The following FAT3 variants were observed in gnomAD, a reference collection of about 807,000 sequenced individuals.
The protein encoded by FAT3 is protocadherin Fat 3.
In FAT3, 95 loss-of-function variants were observed where a neutral mutation model predicts 310.2. The ratio of observed to expected loss-of-function variants is 0.31; its 90% CI spans 0.26 to 0.36. FAT3 has a LOEUF of 0.36. Ranked by LOEUF, FAT3 falls within the 10% of genes least tolerant of loss-of-function variation. The pLI is 1.00. For missense variants in FAT3, 5,408 were observed against 5,715.6 expected, an observed-to-expected ratio of 0.95 and a Z score of 1.74; for synonymous variants, 2,314 against 2,192.9, an observed-to-expected ratio of 1.06 and a Z score of -1.54.
chr11:92,302,776 T>C (rs529059804), intron 1 of FAT3, among the ~76,000 whole-genome samples: 206 of 152,284 alleles, frequency 1.4e-3, no homozygotes, highest in Non-Finnish European at 2.4e-3. Flanking sequence ...TGTTGATTAA[T>C]TTTCTGGTAG....
At chr11:92,368,913 C>T (rs897926907) in intron 2 of FAT3, among the ~76,000 whole-genome samples, 1 of 127,420 alleles carries the variant, frequency 7.8e-6, no homozygotes, top group Admixed American at 7.4e-5. Context: ...TATATATATA[C>T]ACATATATAT....
intron 1 of FAT3, among the ~76,000 whole-genome samples, chr11:92,328,640 C>G (rs1947826038): frequency 6.6e-6 from 1 of 152,210 alleles, no homozygotes; most frequent in African/African-American, 2.4e-5. Flanking sequence ...TTCCCAAGTG[C>G]CACCTTACGA....
At chr11:92,575,849 A>AT (rs1427152449) in intron 3 of FAT3, among the ~76,000 whole-genome samples, 1 of 152,008 alleles carries the variant, frequency 6.6e-6, no homozygotes, top group African/African-American at 2.4e-5. Flanking sequence ...ACTGTTTTCT[A>AT]TTTTTTGAGA....
At chr11:92,515,484 G>A (rs1268650900) in intron 2 of FAT3, among the ~76,000 whole-genome samples, 1 of 152,066 alleles carries the variant, frequency 6.6e-6, no homozygotes, top group Non-Finnish European at 1.5e-5. Context: ...CTCTATCAGA[G>A]GGGAAAAATG....
At chr11:92,492,242 TCC>T (rs1952622921) in intron 2 of FAT3, among the ~76,000 whole-genome samples, 1 of 68,048 alleles carries the variant, frequency 1.5e-5, no homozygotes, top group African/African-American at 1.3e-4. Flanking sequence ...TATATATATT[TCC>T]ATCCATCCAT....
chr11:92,840,364 T>C (rs1322166274), intron 17 of FAT3, among the ~76,000 whole-genome samples, 198 bp from the exon 18 acceptor site: 1 of 152,202 alleles, frequency 6.6e-6, no homozygotes, highest in East Asian at 1.9e-4. Flanking sequence ...ATAAGGAACA[T>C]GACACTTACA....
intron 2 of FAT3, among the ~76,000 whole-genome samples, chr11:92,366,333 C>T (rs1451521234): frequency 6.6e-6 from 1 of 152,122 alleles, no homozygotes; most frequent in African/African-American, 2.4e-5. Context: ...CTACAGGAGA[C>T]AAAATGGCTA....
intron 2 of FAT3, among the ~76,000 whole-genome samples, chr11:92,485,758 T>A (rs949448564): frequency 2.0e-5 from 3 of 152,184 alleles, no homozygotes; most frequent in African/African-American, 7.2e-5. Context: ...ATGGAAACAG[T>A]GCTCAATTGC....
chr11:92,730,003 A>G (rs1448598323), intron 4 of FAT3, among the ~76,000 whole-genome samples: 3 of 152,094 alleles, frequency 2.0e-5, no homozygotes, highest in Non-Finnish European at 4.4e-5. Context: ...TCCTGTTTTC[A>G]TAATTTTGCT....
intron 4 of FAT3, among the ~76,000 whole-genome samples, chr11:92,731,241 G>A (rs1200124721): frequency 6.6e-6 from 1 of 152,128 alleles, no homozygotes; most frequent in Non-Finnish European, 1.5e-5. Context: ...TAGATCATTT[G>A]TTCATTATTG....
intron 2 of FAT3, among the ~76,000 whole-genome samples, chr11:92,521,086 T>C (rs1953665744): frequency 1.3e-5 from 2 of 152,088 alleles, no homozygotes; most frequent in Admixed American, 6.6e-5. Context: ...TTTAGTGACT[T>C]CCAGGAATCG....
intron 4 of FAT3, among the ~76,000 whole-genome samples, chr11:92,744,347 C>T (rs1945592347): frequency 6.6e-6 from 1 of 152,138 alleles, no homozygotes; most frequent in Admixed American, 6.5e-5. Context: ...TTAAAGTGTA[C>T]ATACTGTCAT....
intron 2 of FAT3, among the ~76,000 whole-genome samples, chr11:92,443,711 G>A (rs1464155037): frequency 6.6e-6 from 1 of 152,118 alleles, no homozygotes. Context: ...ATTTCTCAGC[G>A]AGTACCTCAC....
chr11:92,422,596 G>A (rs1272967501), intron 2 of FAT3, among the ~76,000 whole-genome samples: 1 of 152,116 alleles, frequency 6.6e-6, no homozygotes, highest in Non-Finnish European at 1.5e-5. Flanking sequence ...TTTCAAAGGA[G>A]GTGAGTGCTT....
intron 2 of FAT3, among the ~76,000 whole-genome samples, chr11:92,423,596 G>A (rs1950573248): frequency 6.6e-6 from 1 of 152,112 alleles, no homozygotes. Context: ...TGGTCACTTT[G>A]CCTGTTTTAG....
intron 3 of FAT3, among the ~76,000 whole-genome samples, chr11:92,588,098 T>G (rs1317150879): frequency 1.3e-5 from 2 of 151,982 alleles, no homozygotes; most frequent in Admixed American, 6.6e-5. Context: ...GTTGACTGTA[T>G]AGGTCTAAGG....
intron 7 of FAT3, among the ~76,000 whole-genome samples, chr11:92,776,139 A>G (rs1946592079): frequency 6.6e-6 from 1 of 152,246 alleles, no homozygotes; most frequent in African/African-American, 2.4e-5. Flanking sequence ...CAAATAAAGC[A>G]TGAAACCGTA....
chr11:92,588,614 C>T lies in FAT3; in HGVS notation c.3607+63666C>T, dbSNP rs1457016555. Among the ~76,000 whole-genome samples the T allele has an allele frequency of 2.0e-5, 3 of 151,970 alleles. No homozygotes were observed. The East Asian group carries it at 5.8e-4, about 29-fold the overall frequency. Reference sequence around the variant, plus strand: ...CAGAGGAAAATGGGTATTTATTCTGCCTTAGATGAAAAGAGTAAGAGACTT... The same window carrying T: ...CAGAGGAAAATGGGTATTTATTCTGTCTTAGATGAAAAGAGTAAGAGACTT... On this transcript the variant is annotated intron_variant, in intron 3 of 27. Coordinates refer to ENST00000525166, the MANE Select transcript of FAT3 (RefSeq NM_001367949.2).
intron 9 of FAT3, among the ~76,000 whole-genome samples, chr11:92,796,922 C>T (rs2136174157): frequency 6.6e-6 from 1 of 152,282 alleles, no homozygotes; most frequent in Admixed American, 6.5e-5. Context: ...CCTTCCCCTG[C>T]CAGCTCTATC....
Sources: gnomAD v4.1 joint callset for allele counts (sites outside exome capture counted in the v4.1 genomes callset) on GRCh38, gnomAD v4.1.1 for gene constraint, MANE v1.5 for transcripts, NCBI Gene and HGNC (gene_info 2026-07-23, HGNC 2026-07-21) for gene names.